The following BOLL variants were observed in gnomAD, a reference collection of about 807,000 sequenced individuals.
BOLL encodes the protein boule RNA binding protein, also known as protein boule-like.
A neutral mutation model predicts 44.4 loss-of-function variants in BOLL; 23 were observed. That is an observed-to-expected ratio of 0.52 (90% confidence interval 0.37 to 0.73). BOLL has a LOEUF of 0.73. Ranked by LOEUF, BOLL falls within the 30% of genes least tolerant of loss-of-function variation. BOLL has a pLI of 0.00. For synonymous variants in BOLL, 97 were observed against 110.8 expected (o/e 0.88, Z 0.78); for missense variants, 287 against 338.3 (o/e 0.85, Z 1.19).
intron 1 of BOLL, 194 bp downstream of exon 1, chr2:197,784,862 G>A: frequency 1.0e-6 from 1 of 987,490 alleles, no homozygotes; most frequent in Non-Finnish European, 1.2e-6. Context: ...TTCCGCATGT[G>A]TTACGGAAAC....
At chr2:197,738,086 T>C (rs985323155) in intron 10 of BOLL, among the ~76,000 whole-genome samples, 14 of 152,130 alleles carry the variant, frequency 9.2e-5, no homozygotes, top group Admixed American at 5.2e-4. Context: ...TCTCCACTTA[T>C]ACCCTTCATA....
intron 10 of BOLL, among the ~76,000 whole-genome samples, chr2:197,742,021 C>G (rs1463770555): frequency 6.6e-6 from 1 of 152,164 alleles, no homozygotes; most frequent in Non-Finnish European, 1.5e-5. Flanking sequence ...ACAGACACTT[C>G]TCAAAAGAAG....
intron 7 of BOLL, among the ~76,000 whole-genome samples, chr2:197,759,253 T>C (rs1177480051): frequency 6.6e-6 from 1 of 152,134 alleles, no homozygotes; most frequent in African/African-American, 2.4e-5. Context: ...CCTTCTCTTC[T>C]GCTAGGATTG....
rs985053724 is a variant in BOLL, at chr2:197,777,475, A to G, written c.222-362T>C. ...AATAGAAGTTTGGCTAAGAGAAATC[A>G]AAGTAGAAAAATAACTAAAAAATTT... On this transcript the variant is annotated intron_variant, in intron 3 of 10. Transcript: ENST00000392296. Among the ~76,000 whole-genome samples, 5 of 151,896 alleles carry G rather than the reference A, an allele frequency of 3.3e-5. No homozygotes were observed. The East Asian group carries it at 7.7e-4, about 23-fold the overall frequency.
chr2:197,736,688 A>G (rs1687510250), intron 10 of BOLL, among the ~76,000 whole-genome samples: 1 of 152,116 alleles, frequency 6.6e-6, no homozygotes, highest in Non-Finnish European at 1.5e-5. Flanking sequence ...CTGCCAGGAT[A>G]TCTATGCATG....
intron 6 of BOLL, among the ~76,000 whole-genome samples, chr2:197,767,823 G>A (rs567213833): frequency 6.6e-6 from 1 of 151,890 alleles, no homozygotes; most frequent in East Asian, 1.9e-4. Context: ...GTATGCGTGT[G>A]TGTGTCTATA....
intron 6 of BOLL, among the ~76,000 whole-genome samples, chr2:197,768,902 G>A (rs1395257026): frequency 2.0e-5 from 3 of 150,808 alleles, no homozygotes; most frequent in Non-Finnish European, 3.0e-5. Context: ...GGCCTTTCCT[G>A]CATCTATTGA....
At chr2:197,785,684 G>T (rs924211917), upstream of BOLL, among the ~76,000 whole-genome samples, 2 of 152,182 alleles carry the variant, frequency 1.3e-5, no homozygotes, top group African/African-American at 4.8e-5. This position sits in a 1 kb window ranked among gnomAD's most constrained non-coding sequence, Gnocchi z 6.7. Context: ...CTCGGACTTC[G>T]CTGGGTGCCT....
chr2:197,766,637 A>G, intron 6 of BOLL, 34 bp from the exon 7 acceptor site: 2 of 1,495,360 alleles, frequency 1.3e-6, no homozygotes, highest in Non-Finnish European at 1.9e-6. Flanking sequence ...AATTAGGCAG[A>G]AGCCTTTAAA....
At chr2:197,746,059 A>G (rs1462897155) in intron 9 of BOLL, among the ~76,000 whole-genome samples, 2 of 152,192 alleles carry the variant, frequency 1.3e-5, no homozygotes, top group Non-Finnish European at 2.9e-5. Context: ...CTGGAGGTGA[A>G]GCAGGGAGAA....
At chr2:197,766,099 T>C (rs957711638) in intron 7 of BOLL, among the ~76,000 whole-genome samples, 1 of 151,946 alleles carries the variant, frequency 6.6e-6, no homozygotes. Flanking sequence ...CTGTCATTGA[T>C]AGGCATTCCA....
At chr2:197,762,188 A>G (rs1349837026) in intron 7 of BOLL, among the ~76,000 whole-genome samples, 1 of 152,150 alleles carries the variant, frequency 6.6e-6, no homozygotes, top group Non-Finnish European at 1.5e-5. Context: ...TACTAAAAAT[A>G]CAAAAATTGG....
intron 10 of BOLL, among the ~76,000 whole-genome samples, chr2:197,742,841 A>T (rs541281307): frequency 2.6e-5 from 4 of 152,198 alleles, no homozygotes; most frequent in South Asian, 2.1e-4. Flanking sequence ...AAAATTTTTT[A>T]AAAAAGAAAA....
intron 9 of BOLL, among the ~76,000 whole-genome samples, chr2:197,755,553 C>T (rs1009542403): frequency 6.6e-6 from 1 of 152,190 alleles, no homozygotes; most frequent in African/African-American, 2.4e-5. Context: ...TCATGGAATG[C>T]TATGCAGCCA....
At chr2:197,737,127 A>G (rs966995807) in intron 10 of BOLL, among the ~76,000 whole-genome samples, 2 of 152,032 alleles carry the variant, frequency 1.3e-5, no homozygotes, top group Non-Finnish European at 2.9e-5. Context: ...TTAAAGATCT[A>G]TTACTGAGAA....
Position 197,728,211 on chromosome 2 carries a change from AAATAAC to A in BOLL, c.*338_*343del. 2.5e-6 allele frequency: 1 copy of A among 394,558 alleles called. No homozygotes were observed. Among genetic ancestry groups the A allele is most frequent in the Non-Finnish European group, 4.5e-6 (1 of 223,240 alleles). 24.4% of individuals were successfully genotyped at this position (394,558 alleles called of 1,614,324 possible). ...TAACATCTAATTGTTTGATAAGAAA[AAATAAC>A]ACAAAGCAGAGAAAATAAAAGACAC... is the stretch of plus-strand genomic sequence containing the variant. On this transcript the variant is annotated 3_prime_UTR_variant, in exon 11 of 11. Transcript: ENST00000392296.
chr2:197,786,083 C>T (rs1433176415), upstream of BOLL: 3 of 1,546,482 alleles, frequency 1.9e-6, no homozygotes, highest in East Asian at 4.7e-5. This position sits in a 1 kb window ranked among gnomAD's most constrained non-coding sequence, Gnocchi z 5.9. Context: ...AAGGCAGCAG[C>T]GCTGCTTGTC....
chr2:197,758,980 A>G (rs1039683668), intron 7 of BOLL: 2 of 1,536,030 alleles, frequency 1.3e-6, no homozygotes, highest in Admixed American at 3.9e-5. Context: ...GAGTCCATCC[A>G]TCTTCTTGTA....
intron 6 of BOLL, among the ~76,000 whole-genome samples, chr2:197,768,921 A>G (rs1291910831): frequency 6.6e-6 from 1 of 151,114 alleles, no homozygotes; most frequent in Non-Finnish European, 1.5e-5. Context: ...GAGATTAATC[A>G]TGTGGTTTTT....
Sources: allele counts gnomAD v4.1 joint callset (sites outside exome capture counted in the v4.1 genomes callset), GRCh38; gene constraint gnomAD v4.1.1; non-coding constraint Gnocchi (gnomAD v3.1); transcripts MANE v1.5; gene names NCBI Gene and HGNC (gene_info 2026-07-23, HGNC 2026-07-21).